Variants in XPR1 observed in about 807,000 individuals in gnomAD.
XPR1 encodes solute carrier family 53 member 1.
A neutral mutation model predicts 87.5 loss-of-function variants in XPR1; 28 were observed. That is an observed-to-expected ratio of 0.32 (90% CI 0.24 to 0.44). The LOEUF is 0.44. Ranked by LOEUF, XPR1 falls within the 20% of genes least tolerant of loss-of-function variation. XPR1 has a pLI of 1.00. For synonymous variants in XPR1, 300 were observed against 306.1 expected (o/e 0.98, Z 0.21); for missense variants, 559 against 862.3 (o/e 0.65, Z 4.41).
At chr1:180,732,242 CA>C (rs1300849313) in intron 2 of XPR1, among the ~76,000 whole-genome samples, 4 of 149,002 alleles carry the variant, frequency 2.7e-5, no homozygotes, top group Non-Finnish European at 4.5e-5. Context: ...TGAAGTAAGA[CA>C]TTTTTTTCAA....
chr1:180,830,709 G>A (rs1651026253), intron 9 of XPR1, among the ~76,000 whole-genome samples: 1 of 152,134 alleles, frequency 6.6e-6, no homozygotes, highest in Non-Finnish European at 1.5e-5. Context: ...GGGTCCTTTA[G>A]GATGAGGATT....
At chr1:180,872,591 C>CGTG (rs1253504916) in intron 12 of XPR1, among the ~76,000 whole-genome samples, 10 of 110,124 alleles carry the variant, frequency 9.1e-5, no homozygotes, top group African/African-American at 3.6e-4. Context: ...CAGGTGCGTC[C>CGTG]GTCACCCCTT....
chr1:180,677,526 G>A (rs1420681542), intron 1 of XPR1, among the ~76,000 whole-genome samples: 1 of 152,144 alleles, frequency 6.6e-6, no homozygotes, highest in Non-Finnish European at 1.5e-5. Flanking sequence ...TCTGGGTGGT[G>A]CCAGCTCAGA....
At chr1:180,794,914 G>T (rs1649514245) in intron 3 of XPR1, among the ~76,000 whole-genome samples, 3 of 152,168 alleles carry the variant, frequency 2.0e-5, no homozygotes, top group Admixed American at 2.0e-4. Context: ...TTCACATACA[G>T]ATTTCAGACT....
chr1:180,743,369 T>G (rs1658983166), intron 2 of XPR1, among the ~76,000 whole-genome samples: 1 of 152,078 alleles, frequency 6.6e-6, no homozygotes, highest in African/African-American at 2.4e-5. Context: ...AGGATTAATA[T>G]TTTACAATTT....
At chr1:180,760,826 G>A (rs1647992998) in intron 2 of XPR1, among the ~76,000 whole-genome samples, 2 of 152,132 alleles carry the variant, frequency 1.3e-5, no homozygotes, top group South Asian at 4.1e-4. Flanking sequence ...TAAGCCAAAA[G>A]AAGAAAACCG....
At chr1:180,686,068 A>G (rs1656762859) in intron 2 of XPR1, among the ~76,000 whole-genome samples, 2 of 151,738 alleles carry the variant, frequency 1.3e-5, no homozygotes, top group African/African-American at 4.8e-5. Flanking sequence ...AGTTCTTTTA[A>G]TCGTGGTGTT....
chr1:180,788,477 T>A (rs1261510663), intron 3 of XPR1, among the ~76,000 whole-genome samples: 1 of 152,192 alleles, frequency 6.6e-6, no homozygotes, highest in Non-Finnish European at 1.5e-5. Flanking sequence ...TGAGACCTAG[T>A]TAATAATCAG....
chr1:180,674,772 C>T (rs1374442160), intron 1 of XPR1, among the ~76,000 whole-genome samples: 1 of 152,144 alleles, frequency 6.6e-6, no homozygotes, highest in African/African-American at 2.4e-5. Context: ...TCATAGCAAC[C>T]AGCCACTCTG....
intron 1 of XPR1, among the ~76,000 whole-genome samples, chr1:180,635,967 C>A (rs1279442287): frequency 2.0e-5 from 3 of 152,094 alleles, no homozygotes; most frequent in Non-Finnish European, 4.4e-5. Flanking sequence ...TTAATAATAT[C>A]CTTTCAAAAA....
At chr1:180,695,701 G>C (rs12238979) in intron 2 of XPR1, among the ~76,000 whole-genome samples, 4,508 of 152,136 alleles carry the variant, frequency 0.03, 147 homozygotes, top group African/African-American at 0.079. Flanking sequence ...TCTTTCTCCA[G>C]TGTATGTTCT....
rs371956990 is a variant in XPR1, at chr1:180,806,050, T to C, written c.448-12T>C. The C allele has an allele frequency of 8.7e-6, 14 of 1,610,010 alleles. No individual in the cohort carries two copies. The highest frequency in any genetic ancestry group is 1.3e-5 in the African/African-American group (1 of 74,744). On this transcript the variant is annotated splice_polypyrimidine_tract_variant and intron_variant, in intron 4 of 14. Transcript: ENST00000367590. ...TAGAAATTATAGTTGTGTTTCTCAT[T>C]TCTTTCTGTAGAATCTGAATTTTAC...
intron 11 of XPR1, among the ~76,000 whole-genome samples, chr1:180,849,601 T>C (rs1035723160): frequency 2.6e-5 from 4 of 152,180 alleles, no homozygotes; most frequent in African/African-American, 4.8e-5. Flanking sequence ...TGAGCAAATA[T>C]AGAGACAAAT....
chr1:180,836,753 C>T, intron 11 of XPR1, 37 bp downstream of exon 11: 3 of 1,604,408 alleles, frequency 1.9e-6, no homozygotes, highest in South Asian at 1.1e-5. Flanking sequence ...TTTTTTTAAA[C>T]CTGGATTTTT....
chr1:180,654,486 T>C (rs1251024779), intron 1 of XPR1, among the ~76,000 whole-genome samples: 6 of 152,152 alleles, frequency 3.9e-5, no homozygotes, highest in African/African-American at 1.4e-4. Context: ...TTTCATATTG[T>C]TGTGCAACCG....
intron 2 of XPR1, among the ~76,000 whole-genome samples, chr1:180,711,455 A>C (rs890730894): frequency 2.6e-5 from 4 of 152,198 alleles, no homozygotes; most frequent in African/African-American, 9.6e-5. Context: ...CCACCAAAAA[A>C]ATACGAAAAC....
intron 6 of XPR1, among the ~76,000 whole-genome samples, chr1:180,808,899 C>G (rs1170618971): frequency 6.6e-6 from 1 of 152,104 alleles, no homozygotes; most frequent in Non-Finnish European, 1.5e-5. Context: ...AAAGTGTACA[C>G]CTGCCATATG....
At chr1:180,656,442 TA>T (rs74195443) in intron 1 of XPR1, among the ~76,000 whole-genome samples, 1,114 of 5,360 alleles carry the variant, frequency 0.21, 246 homozygotes, top group Non-Finnish European at 0.34. Context: ...TATTTATATA[TA>T]AATATTTATA....
intron 2 of XPR1, among the ~76,000 whole-genome samples, chr1:180,770,178 T>C (rs1648455936): frequency 6.6e-6 from 1 of 152,182 alleles, no homozygotes; most frequent in Admixed American, 6.5e-5. Context: ...TTCTGAAAAT[T>C]TCCCTTTCTT....
Sources: allele counts gnomAD v4.1 joint callset (sites outside exome capture counted in the v4.1 genomes callset), GRCh38; gene constraint gnomAD v4.1.1; transcripts MANE v1.5; gene names NCBI Gene and HGNC (gene_info 2026-07-23, HGNC 2026-07-21).